WHRN: variants seen among roughly 807,000 people sequenced by gnomAD.
The protein encoded by WHRN is whirlin, also known as CASK-interacting protein CIP98.
WHRN carries 41 observed loss-of-function variants against 68.3 expected under a neutral mutation model. The ratio of observed to expected loss-of-function variants is 0.60; its 90% CI spans 0.47 to 0.78. WHRN has a LOEUF of 0.78. Among genes scored for constraint, WHRN ranks in the 30% least tolerant of loss-of-function variants. The probability of loss-of-function intolerance (pLI) is 0.00; values close to 1 mark genes in which losing one functional copy is unlikely to be tolerated. For synonymous variants in WHRN, 560 were observed against 561.3 expected, an observed-to-expected ratio of 1.00 and a Z score of 0.03; for missense variants, 1,243 against 1,244.7, an observed-to-expected ratio of 1.00 and a Z score of 0.02.
intron 3 of WHRN, among the ~76,000 whole-genome samples, chr9:114,460,573 G>A (rs897653262): frequency 2.0e-5 from 3 of 152,196 alleles, no homozygotes; most frequent in East Asian, 1.9e-4. Flanking sequence ...TAAGAGATCC[G>A]AAGATAAACT....
chr9:114,483,897 T>C (rs752438077), intron 1 of WHRN, among the ~76,000 whole-genome samples: 26 of 152,150 alleles, frequency 1.7e-4, no homozygotes, highest in Non-Finnish European at 2.8e-4. Context: ...AGCAGAGAGA[T>C]CAGGGGCTCT....
chr9:114,435,162 C>G (rs577509534), intron 3 of WHRN, among the ~76,000 whole-genome samples: 1 of 152,190 alleles, frequency 6.6e-6, no homozygotes, highest in Non-Finnish European at 1.5e-5. Context: ...GCACTCACTC[C>G]CCACAGTTTG....
At chr9:114,491,718 C>G (rs1007522082) in intron 1 of WHRN, 34 of 262,732 alleles carry the variant, frequency 1.3e-4, no homozygotes, top group Non-Finnish European at 8.0e-6. Flanking sequence ...AAAAGGCAAA[C>G]GAGAAGCAGC....
intron 3 of WHRN, among the ~76,000 whole-genome samples, chr9:114,446,979 C>T (rs1838879381): frequency 6.6e-6 from 1 of 151,798 alleles, no homozygotes; most frequent in Admixed American, 6.6e-5. Context: ...CCCCATGCTT[C>T]TATGTCTGTG....
chr9:114,469,409 C>T lies in WHRN; in HGVS notation c.838-3017G>A, dbSNP rs77388239. Among the ~76,000 whole-genome samples, 5 of 152,328 alleles carry T rather than the reference C, an allele frequency of 3.3e-5. No individual in the cohort carries two copies. The East Asian group carries it at 9.6e-4, about 29-fold the overall frequency. ...AGAATGCTGAGAGGAAAGAACAAGG[C>T]CACCCAGGACGGGACACTGCTCCCC... On this transcript the variant is annotated intron_variant, in intron 2 of 11. Transcript: ENST00000362057.
Position 114,448,268 on chromosome 9 carries a change from C to T in WHRN, c.963+17999G>A, listed in dbSNP as rs118101759. Among the ~76,000 whole-genome samples the T allele has an allele frequency of 2.2e-4, 33 of 152,136 alleles. No individual in the cohort carries two copies. The East Asian group carries it at 5.8e-3, about 27-fold the overall frequency. ...AAAGAAACATGCAGGGAAGAACACA[C>T]GAAGACAGGGGCAGAGACTAGAGTG... On this transcript the variant is annotated intron_variant, in intron 3 of 11. Transcript: ENST00000362057.
Position 114,403,985 on chromosome 9 carries a change from C to T in WHRN, c.2329G>A (p.Gly777Ser). The T allele has an allele frequency of 1.9e-6, 3 of 1,612,586 alleles. No homozygotes were observed. Among genetic ancestry groups the T allele is most frequent in the South Asian group, 1.1e-5 (1 of 91,076 alleles). The change falls in exon 10 of 12, where the codon GGC becomes AGC. Residue 777 changes from glycine (G) to serine (S), a missense_variant. Gly to Ser is a moderately conservative substitution (Grantham distance 56, BLOSUM62 0). Coordinates refer to ENST00000362057, the MANE Select transcript of WHRN (RefSeq NM_015404.4). ...DAGEAEASAPGRGRQSVSTKS... is the reference protein window; with the variant it reads ...DAGEAEASAPSRGRQSVSTKS... ...GTGGACACCGACTGCCTTCCTCGGC[C>T]TGGGGCGCTGGCCTCTGCCTCGCCA...
At chr9:114,423,049 C>G (rs918109924) in intron 7 of WHRN, among the ~76,000 whole-genome samples, 4 of 152,002 alleles carry the variant, frequency 2.6e-5, no homozygotes, top group Non-Finnish European at 5.9e-5. Context: ...ACCTTTCTCC[C>G]CCAGCTTCCC....
intron 1 of WHRN, among the ~76,000 whole-genome samples, chr9:114,484,480 C>T (rs945310904): frequency 6.6e-6 from 1 of 152,206 alleles, no homozygotes; most frequent in East Asian, 1.9e-4. Flanking sequence ...CTTAGAGGAG[C>T]CCTATTAGCA....
At chr9:114,481,529 T>C (rs7046135) in intron 1 of WHRN, among the ~76,000 whole-genome samples, 65,123 of 151,904 alleles carry the variant, frequency 0.43, 14,224 homozygotes, top group Middle Eastern at 0.5. Context: ...ACAGGAGACG[T>C]CAGCAGAAGC....
chr9:114,462,314 T>A (rs1195357345), intron 3 of WHRN, among the ~76,000 whole-genome samples: 2 of 152,110 alleles, frequency 1.3e-5, no homozygotes, highest in Non-Finnish European at 2.9e-5. Context: ...TTTCCTCCAC[T>A]CATTCAAAAT....
At chr9:114,432,348 C>A (rs200014268) in intron 3 of WHRN, among the ~76,000 whole-genome samples, 1 of 152,192 alleles carries the variant, frequency 6.6e-6, no homozygotes, top group African/African-American at 2.4e-5. Flanking sequence ...AGGGGACCCT[C>A]GTAACAGCGG....
intron 1 of WHRN, among the ~76,000 whole-genome samples, chr9:114,496,730 C>G (rs1303935386): frequency 6.6e-6 from 1 of 152,206 alleles, no homozygotes; most frequent in Non-Finnish European, 1.5e-5. Flanking sequence ...GGTAGGATAT[C>G]TGAGTAACAG....
chr9:114,450,815 T>C (rs1839254285), intron 3 of WHRN, among the ~76,000 whole-genome samples: 1 of 138,542 alleles, frequency 7.2e-6, no homozygotes, highest in African/African-American at 2.9e-5. Context: ...CTATTGTTAT[T>C]ATTATTAGTT....
chr9:114,488,775 C>T (rs1842739254), intron 1 of WHRN, among the ~76,000 whole-genome samples: 1 of 152,338 alleles, frequency 6.6e-6, no homozygotes, highest in Middle Eastern at 3.4e-3. Context: ...CTCTGTCTTC[C>T]AAGCTCCTTC....
At chr9:114,422,623 CAG>C (rs1836400473) in intron 7 of WHRN, among the ~76,000 whole-genome samples, 1 of 152,094 alleles carries the variant, frequency 6.6e-6, no homozygotes, top group Admixed American at 6.5e-5. Flanking sequence ...CTCCTGATGT[CAG>C]GAGTTCGAGA....
At chr9:114,423,192 G>A (rs1252001736) in intron 7 of WHRN, 122 bp downstream of exon 7, 2 of 1,043,538 alleles carry the variant, frequency 1.9e-6, no homozygotes, top group African/African-American at 1.6e-5. Context: ...GGCTCAGAGA[G>A]GCAAGGCACA....
chr9:114,446,414 T>C (rs191661776), intron 3 of WHRN, among the ~76,000 whole-genome samples: 2 of 152,228 alleles, frequency 1.3e-5, no homozygotes, highest in African/African-American at 4.8e-5. Context: ...TGTTCTGAAA[T>C]TATATAGCAG....
Position 114,478,336 on chromosome 9 carries a change from C to A in WHRN, c.837+217G>T, listed in dbSNP as rs990651003. ...ATAAATAAATCACAGTATTTAAGCT[C>A]TTTTATTGTGGCAGCTTAGCCTGTA... is the stretch of plus-strand genomic sequence containing the variant. On this transcript the variant is annotated intron_variant, in intron 2 of 11. Coordinates refer to ENST00000362057, the MANE Select transcript of WHRN (RefSeq NM_015404.4). The A allele has an allele frequency of 3.9e-5, 28 of 717,876 alleles. No homozygotes were observed. In the Admixed American group the frequency reaches 4.2e-4, roughly 11 times the overall value. 44.5% of individuals were successfully genotyped at this position (717,876 alleles called of 1,614,324 possible). A position where few individuals can be genotyped will look rare whatever the true frequency, so the allele number is the denominator to read the frequency against.
Sources: gnomAD v4.1 joint callset for allele counts (sites outside exome capture counted in the v4.1 genomes callset) on GRCh38, gnomAD v4.1.1 for gene constraint, MANE v1.5 for transcripts, NCBI Gene and HGNC (gene_info 2026-07-23, HGNC 2026-07-21) for gene names.